The following IGSF11 variants were observed in gnomAD, a reference collection of about 807,000 sequenced individuals.
IGSF11 encodes the protein CXADR like 1.
In IGSF11, 22 loss-of-function variants were observed where a neutral mutation model predicts 41.0. The ratio of observed to expected loss-of-function variants is 0.54; its 90% CI spans 0.38 to 0.77. IGSF11 has a LOEUF of 0.77. IGSF11 is among the 30% of genes least tolerant of loss of function. IGSF11 has a pLI of 0.00. For missense variants in IGSF11, 444 were observed against 530.8 expected (o/e 0.84, Z 1.61); for synonymous variants, 219 against 201.3 (o/e 1.09, Z -0.74).
Position 118,930,245 on chromosome 3 carries a change from C to T in IGSF11, c.83G>A (p.Ser28Asn). The change falls in exon 2 of 7, where the codon AGC becomes AAC. Residue 28 changes from serine (S) to asparagine (N), a missense_variant. Coordinates refer to ENST00000393775, the MANE Select transcript of IGSF11 (RefSeq NM_001015887.3). Reference protein sequence around the residue: ...GVAASLEVSESPGSIQVARGQ... With the variant: ...GVAASLEVSENPGSIQVARGQ... ...CCGGGCCACCTGGATACTCCCAGGG[C>T]TCTCTGACACTTCCAGGGATGCTGC... 1 of 1,613,592 alleles carries T rather than the reference C, an allele frequency of 6.2e-7. No homozygotes were observed. Among genetic ancestry groups the T allele is most frequent in the Non-Finnish European group, 8.5e-7 (1 of 1,179,682 alleles).
At chr3:118,927,564 C>T (rs1022992213) in intron 3 of IGSF11, among the ~76,000 whole-genome samples, 4 of 152,072 alleles carry the variant, frequency 2.6e-5, no homozygotes, top group South Asian at 2.1e-4. Context: ...CACCAAAGGC[C>T]GAGGGAAAAT....
intron 1 of IGSF11, among the ~76,000 whole-genome samples, chr3:118,944,243 T>C (rs1271131136): frequency 6.6e-6 from 1 of 152,194 alleles, no homozygotes; most frequent in Non-Finnish European, 1.5e-5. Context: ...AGTCTAGGAA[T>C]AGAGATAGAG....
chr3:119,098,595 G>C (rs545653468), intron 1 of IGSF11, among the ~76,000 whole-genome samples: 1 of 152,222 alleles, frequency 6.6e-6, no homozygotes, highest in East Asian at 1.9e-4. Context: ...AAAAACCAAG[G>C]TAAGAAAATT....
At chr3:119,062,466 AT>A (rs1483229928) in intron 1 of IGSF11, among the ~76,000 whole-genome samples, 2 of 152,174 alleles carry the variant, frequency 1.3e-5, no homozygotes, top group African/African-American at 4.8e-5. Flanking sequence ...TCTTTCATCA[AT>A]TCAACAACTA....
chr3:119,057,164 G>A (rs1163823625), intron 1 of IGSF11, among the ~76,000 whole-genome samples: 1 of 152,142 alleles, frequency 6.6e-6, no homozygotes, highest in East Asian at 1.9e-4. Flanking sequence ...ATTCAATTAG[G>A]AAAAGAGGAA....
intron 5 of IGSF11, 81 bp from the exon 6 acceptor site, chr3:118,904,879 TA>T (rs2107467778): frequency 1.8e-6 from 2 of 1,132,662 alleles, no homozygotes; most frequent in South Asian, 1.7e-5. Flanking sequence ...AATAAGCACA[TA>T]AGCTTACTAA....
chr3:119,090,822 T>G (rs76451202), intron 1 of IGSF11, among the ~76,000 whole-genome samples: 1,928 of 152,244 alleles, frequency 0.013, 32 homozygotes, highest in African/African-American at 0.045. Context: ...ACATCAGCCT[T>G]GGCAAGGAAT....
intron 1 of IGSF11, among the ~76,000 whole-genome samples, chr3:119,025,386 A>C (rs1939719228): frequency 6.6e-6 from 1 of 152,148 alleles, no homozygotes; most frequent in Non-Finnish European, 1.5e-5. Flanking sequence ...GCACACCCTA[A>C]ATAGACTCAT....
intron 1 of IGSF11, among the ~76,000 whole-genome samples, chr3:119,032,617 T>C (rs9862313): frequency 0.018 from 2,686 of 152,274 alleles, 75 homozygotes; most frequent in African/African-American, 0.061. Context: ...CCACTTTACA[T>C]CCTTCCTTCA....
intron 1 of IGSF11, among the ~76,000 whole-genome samples, chr3:118,990,455 G>A (rs1935683739): frequency 6.6e-6 from 1 of 152,168 alleles, no homozygotes; most frequent in Admixed American, 6.5e-5. Context: ...GTGTCCTGAT[G>A]TTATGAAGGG....
chr3:119,118,461 G>T (rs1163692888), intron 1 of IGSF11, among the ~76,000 whole-genome samples: 2 of 152,182 alleles, frequency 1.3e-5, no homozygotes, highest in East Asian at 1.9e-4. Flanking sequence ...GGGATGCAAG[G>T]CACCAAGTCC....
chr3:119,048,832 G>T (rs1300847980), intron 1 of IGSF11, among the ~76,000 whole-genome samples: 1 of 151,896 alleles, frequency 6.6e-6, no homozygotes, highest in African/African-American at 2.4e-5. Flanking sequence ...GGGATGCAAG[G>T]CTGGTTCAAT....
intron 1 of IGSF11, among the ~76,000 whole-genome samples, chr3:119,138,532 A>G (rs950413019): frequency 2.0e-5 from 3 of 152,182 alleles, no homozygotes; most frequent in Non-Finnish European, 4.4e-5. Context: ...TAAAAATACA[A>G]AAATTTTCTA....
chr3:119,124,342 C>T (rs772894410), intron 1 of IGSF11, among the ~76,000 whole-genome samples: 3 of 139,846 alleles, frequency 2.1e-5, no homozygotes, highest in Non-Finnish European at 4.5e-5. Context: ...TCTCGGCTCA[C>T]TGCAACCTCC....
intron 1 of IGSF11, among the ~76,000 whole-genome samples, chr3:118,963,527 T>C (rs1297375013): frequency 6.6e-6 from 1 of 152,204 alleles, no homozygotes; most frequent in Non-Finnish European, 1.5e-5. Context: ...GGGATAATTA[T>C]GTTCATAGAT....
At chr3:119,097,351 G>A (rs2076869290) in intron 1 of IGSF11, among the ~76,000 whole-genome samples, 1 of 152,144 alleles carries the variant, frequency 6.6e-6, no homozygotes, top group Admixed American at 6.5e-5. Flanking sequence ...CACAGGAGAT[G>A]AAATGGTTTA....
exon 1 of IGSF11, chr3:119,145,945 A>G: frequency 2.2e-6 from 1 of 459,910 alleles, no homozygotes; most frequent in Non-Finnish European, 3.9e-6. Flanking sequence ...TGTAACTGCC[A>G]GAGCCTGAGA....
At chr3:118,937,082 C>G (rs1943342107) in intron 1 of IGSF11, among the ~76,000 whole-genome samples, 1 of 152,234 alleles carries the variant, frequency 6.6e-6, no homozygotes, top group Non-Finnish European at 1.5e-5. Context: ...ATTAGCCCAA[C>G]TGCCAGAACA....
rs79392456 is a variant in IGSF11 at position 119,013,681 on chromosome 3, A to G, written c.52+20850T>C. Among the ~76,000 whole-genome samples, 390 of 152,380 alleles carry G rather than the reference A, an allele frequency of 2.6e-3. 4 individuals carry two copies. Among genetic ancestry groups the G allele is most frequent in the African/African-American group, 8.8e-3 (367 of 41,590 alleles). On this transcript the variant is annotated intron_variant, in intron 1 of 6. Coordinates refer to ENST00000393775, the MANE Select transcript of IGSF11 (RefSeq NM_001015887.3). ...AATTTATAGACACATATTCATTTATAAAAACAAAGAACTTTGTAACTTAAC... is the reference window on the plus strand; with the variant it reads ...AATTTATAGACACATATTCATTTATGAAAACAAAGAACTTTGTAACTTAAC...
Sources: allele counts gnomAD v4.1 joint callset (sites outside exome capture counted in the v4.1 genomes callset), GRCh38; gene constraint gnomAD v4.1.1; transcripts MANE v1.5; gene names NCBI Gene and HGNC (gene_info 2026-07-23, HGNC 2026-07-21).